Variants in MYOF observed in about 807,000 individuals in gnomAD.
MYOF encodes myoferlin.
MYOF carries 244 observed loss-of-function variants against 284.2 expected under a neutral mutation model. The ratio of observed to expected loss-of-function variants is 0.86; its 90% CI spans 0.77 to 0.95. The LOEUF is 0.95. MYOF is among the 40% of genes least tolerant of loss of function. The probability of loss-of-function intolerance (pLI) is 0.00; values close to 1 mark genes in which losing one functional copy is unlikely to be tolerated. For synonymous variants in MYOF, 904 were observed against 919.7 expected (o/e 0.98, Z 0.31); for missense variants, 2,496 against 2,560.6 (o/e 0.97, Z 0.54).
Position 93,337,853 on chromosome 10 carries a change from A to G in MYOF, c.4399T>C (p.Cys1467Arg). Residue 1467 changes from cysteine (C) to arginine (R), a missense_variant, in exon 40 of 54, where the codon TGC becomes CGC. Around this residue, in one of 3 missense-constraint regions of MYOF, gnomAD observed 2,436 missense variants for 2,480.7 expected, o/e 0.98. Transcript: ENST00000359263. ...TAGCCTTTCTGAATATACTGTCCGC[A>G]TTTTTCATGTTCCCCTGAGGAAGCA... ...FYASSGEHEKCGQYIQKGYSK... is the reference protein window; with the variant it reads ...FYASSGEHEKRGQYIQKGYSK... 1 of 1,613,972 alleles carries G rather than the reference A, an allele frequency of 6.2e-7. No individual in the cohort carries two copies. The highest frequency in any genetic ancestry group is 8.5e-7 in the Non-Finnish European group (1 of 1,179,986).
At position 93,319,883 on chromosome 10, in the gene MYOF, C is replaced by G. The variant is rs780830520; in HGVS notation, c.5587G>C (p.Val1863Leu). The G allele has an allele frequency of 6.2e-7, 1 of 1,613,814 alleles. No homozygotes were observed. The highest frequency in any genetic ancestry group is 8.5e-7 in the Non-Finnish European group (1 of 1,179,982). The change falls in exon 49 of 54, where the codon GTT (valine) becomes CTT (leucine). Residue 1863 changes from valine to leucine, a missense_variant. Around this residue, in one of 3 missense-constraint regions of MYOF, gnomAD observed 2,436 missense variants for 2,480.7 expected, o/e 0.98. Coordinates refer to ENST00000359263, the MANE Select transcript of MYOF (RefSeq NM_013451.4). ...DYLPAEQLCI[V>L]AKKEHFWSID... ...ATTTCAGAGCTCACTTTTTTCGCAACGATACAGAGTTGTTCGGCTGGAAGG... is the reference window on the plus strand; with the variant it reads ...ATTTCAGAGCTCACTTTTTTCGCAAGGATACAGAGTTGTTCGGCTGGAAGG...
At chr10:93,381,540 C>T (rs961320554) in intron 19 of MYOF, 144 bp from the exon 20 acceptor site, 2 of 783,938 alleles carry the variant, frequency 2.6e-6, no homozygotes, top group African/African-American at 3.5e-5. Context: ...CCAGCTGTTC[C>T]TCTTGCACTC....
At chr10:93,383,139 TG>T (rs1213640270) in intron 19 of MYOF, among the ~76,000 whole-genome samples, 6 of 152,068 alleles carry the variant, frequency 3.9e-5, no homozygotes, top group Admixed American at 2.6e-4. Context: ...TCAAGTGACC[TG>T]CCTGCCTCGG....
At chr10:93,411,843 C>A (rs1298295630) in intron 5 of MYOF, among the ~76,000 whole-genome samples, 1 of 152,218 alleles carries the variant, frequency 6.6e-6, no homozygotes, top group Non-Finnish European at 1.5e-5. Flanking sequence ...GGATCTTCCA[C>A]AGCCTTGGAC....
At chr10:93,355,596 A>ATAAAG in intron 31 of MYOF, 32 bp downstream of exon 31, 1 of 1,540,232 alleles carries the variant, frequency 6.5e-7, no homozygotes, top group Non-Finnish European at 8.9e-7. Flanking sequence ...ATAAAATAAA[A>ATAAAG]TAAAATAAAT....
chr10:93,352,676 G>T (rs1477839941), intron 32 of MYOF, among the ~76,000 whole-genome samples: 1 of 152,170 alleles, frequency 6.6e-6, no homozygotes, highest in African/African-American at 2.4e-5. Flanking sequence ...AAAAGTGCTT[G>T]GTTTCTAGCA....
At chr10:93,373,694 C>T (rs1845699966) in intron 23 of MYOF, among the ~76,000 whole-genome samples, 3 of 152,114 alleles carry the variant, frequency 2.0e-5, no homozygotes, top group South Asian at 2.1e-4. Flanking sequence ...CTTTTTCAAG[C>T]GTATTTCTAC....
rs1423777973 is a variant in MYOF, at chr10:93,306,619, T to A, written c.*344A>T. ...TATCACCTCAGGATGCAGAGATTTT[T>A]GAATTCTATTTAGCAATTTCCAAAA... is the stretch of plus-strand genomic sequence containing the variant. On this transcript the variant is annotated 3_prime_UTR_variant, in exon 54 of 54. Coordinates refer to ENST00000359263, the MANE Select transcript of MYOF (RefSeq NM_013451.4). 3.9e-6 allele frequency: 1 copy of A among 255,690 alleles called. No homozygotes were observed. The highest frequency in any genetic ancestry group is 7.3e-6 in the Non-Finnish European group (1 of 136,436). The allele number at this position is 255,690 out of a possible 1,614,324, so 15.8% of individuals were successfully genotyped here.
intron 19 of MYOF, among the ~76,000 whole-genome samples, chr10:93,384,326 TACA>T (rs1456907860): frequency 2.0e-5 from 3 of 152,162 alleles, no homozygotes; most frequent in African/African-American, 7.2e-5. Context: ...AAGATCTGCC[TACA>T]ACAAGAGAAA....
At chr10:93,388,631 C>T (rs1381278273) in intron 18 of MYOF, among the ~76,000 whole-genome samples, 1 of 152,208 alleles carries the variant, frequency 6.6e-6, no homozygotes, top group Non-Finnish European at 1.5e-5. Flanking sequence ...GTAAAAAGAG[C>T]ATCTCCCATC....
At chr10:93,446,277 A>G (rs958700901) in intron 3 of MYOF, among the ~76,000 whole-genome samples, 5 of 152,230 alleles carry the variant, frequency 3.3e-5, no homozygotes, top group Admixed American at 6.5e-5. Context: ...TTTAGTGAAA[A>G]CACCTCCTCC....
intron 4 of MYOF, among the ~76,000 whole-genome samples, chr10:93,430,875 GCA>G (rs1848813030): frequency 6.6e-6 from 1 of 152,074 alleles, no homozygotes; most frequent in Non-Finnish European, 1.5e-5. Flanking sequence ...TTTATTTAAA[GCA>G]CACACACTTG....
intron 4 of MYOF, among the ~76,000 whole-genome samples, chr10:93,431,024 CTTTTTTTT>C (rs113713765): frequency 1.7e-5 from 2 of 117,854 alleles, no homozygotes; most frequent in African/African-American, 3.1e-5. Flanking sequence ...TTTTTCTTTT[CTTTTTTTT>C]TTTTTTTTTG....
chr10:93,382,693 T>C (rs1021643878), intron 19 of MYOF, among the ~76,000 whole-genome samples: 1 of 152,116 alleles, frequency 6.6e-6, no homozygotes, highest in African/African-American at 2.4e-5. Flanking sequence ...CATATCTCCT[T>C]CTTTATGAGC....
At chr10:93,369,110 C>CTGTTTTTTTTT (rs1491460008) in intron 25 of MYOF, among the ~76,000 whole-genome samples, 1 of 78,308 alleles carries the variant, frequency 1.3e-5, no homozygotes, top group African/African-American at 6.5e-5. Flanking sequence ...ATTCAGACAG[C>CTGTTTTTTTTT]TTTTTTTTTT....
rs1419175588 is a variant in MYOF at position 93,364,055 on chromosome 10, G to A, written c.2774C>T (p.Ala925Val). ...TTCATCAGTGAACTCCGTGTGACCT[G>A]CATCTGCCTCAGTCAGCAAGCTGTG... ...PERSLLTEADAGHTEFTDEVY... is the reference protein window; with the variant it reads ...PERSLLTEADVGHTEFTDEVY... Residue 925 changes from alanine to valine, a missense_variant, in exon 27 of 54, where the codon GCA (alanine) becomes GTA (valine). This residue lies in a region of MYOF where 2,436 missense variants were observed against 2,480.7 expected (regional missense o/e 0.98). Transcript: ENST00000359263. 1 of 1,614,106 alleles carries A rather than the reference G, an allele frequency of 6.2e-7. No homozygotes were observed. Among genetic ancestry groups the A allele is most frequent in the Non-Finnish European group, 8.5e-7 (1 of 1,180,018 alleles).
At chr10:93,447,803 C>T (rs1246791360) in intron 3 of MYOF, among the ~76,000 whole-genome samples, 1 of 152,092 alleles carries the variant, frequency 6.6e-6, no homozygotes, top group Non-Finnish European at 1.5e-5. Context: ...GGGGGGCTGA[C>T]CTCTCCCCAT....
chr10:93,309,875 T>C, intron 53 of MYOF, 145 bp downstream of exon 53: 1 of 992,152 alleles, frequency 1.0e-6, no homozygotes, highest in Non-Finnish European at 1.4e-6. Context: ...CACATTACTT[T>C]AAATTTCCCC....
At chr10:93,435,009 T>C (rs1849055065) in intron 3 of MYOF, among the ~76,000 whole-genome samples, 2 of 152,150 alleles carry the variant, frequency 1.3e-5, no homozygotes, top group Admixed American at 6.5e-5. Context: ...AATCAGCAAA[T>C]TGAGTTTTCA....
Sources: gnomAD v4.1 joint callset for allele counts (sites outside exome capture counted in the v4.1 genomes callset) on GRCh38, gnomAD v4.1.1 for gene constraint, gnomAD v4.1.1 regional missense constraint, MANE v1.5 for transcripts, NCBI Gene and HGNC (gene_info 2026-07-23, HGNC 2026-07-21) for gene names.